Variants in PHACTR1 observed in about 807,000 individuals in gnomAD.
The protein encoded by PHACTR1 is RPEL repeat containing 1.
A neutral mutation model predicts 69.2 loss-of-function variants in PHACTR1; 16 were observed. The ratio of observed to expected loss-of-function variants is 0.23; its 90% CI spans 0.16 to 0.35. PHACTR1 has a LOEUF of 0.35. Among genes scored for constraint, PHACTR1 ranks in the 10% least tolerant of loss-of-function variants. The pLI is 1.00. For synonymous variants in PHACTR1, 312 were observed against 284.5 expected (o/e 1.10, Z -0.97); for missense variants, 510 against 734.7 (o/e 0.69, Z 3.54).
chr6:13,273,376 A>G (rs1470125932), intron 11 of PHACTR1: 1 of 155,502 alleles, frequency 6.4e-6, no homozygotes, highest in African/African-American at 2.4e-5. Flanking sequence ...ATCCCTTTGA[A>G]TGTTAAATTG....
rs184360581 is a variant in PHACTR1 at position 12,857,181 on chromosome 6, G to T, written c.250+107391G>T. Reference sequence around the variant, plus strand: ...TGTTTGTCTTTATTTTTCCTATGAGGTGTTTTCTGCCTGCGGGCCACAGTG... The same window carrying T: ...TGTTTGTCTTTATTTTTCCTATGAGTTGTTTTCTGCCTGCGGGCCACAGTG... On this transcript the variant is annotated intron_variant, in intron 4 of 14. Coordinates refer to ENST00000332995, the MANE Select transcript of PHACTR1 (RefSeq NM_030948.6). Among the ~76,000 whole-genome samples, 98 of 152,174 alleles carry T rather than the reference G, an allele frequency of 6.4e-4. No homozygotes were observed. In the Middle Eastern group the frequency reaches 0.01, roughly 16 times the overall value.
At chr6:12,945,436 C>T (rs543376670) in intron 4 of PHACTR1, among the ~76,000 whole-genome samples, 4 of 152,340 alleles carry the variant, frequency 2.6e-5, no homozygotes, top group East Asian at 3.9e-4. Context: ...TCAGTACATT[C>T]TCCAGTGCCT....
chr6:13,153,337 A>T (rs1481154822), intron 5 of PHACTR1, among the ~76,000 whole-genome samples: 1 of 152,202 alleles, frequency 6.6e-6, no homozygotes, highest in Non-Finnish European at 1.5e-5. Context: ...CAACCTTTAA[A>T]TACAGTTTCT....
intron 4 of PHACTR1, among the ~76,000 whole-genome samples, chr6:13,033,993 A>T (rs1036509692): frequency 9.2e-5 from 14 of 151,440 alleles, no homozygotes; most frequent in African/African-American, 2.7e-4. Context: ...TATTTTGAGT[A>T]CTTGTGAAGG....
At chr6:13,099,814 T>C (rs997353818) in intron 5 of PHACTR1, among the ~76,000 whole-genome samples, 1 of 152,254 alleles carries the variant, frequency 6.6e-6, no homozygotes, top group African/African-American at 2.4e-5. Flanking sequence ...GTTTGCTTGT[T>C]TTTTAAATTG....
intron 4 of PHACTR1, among the ~76,000 whole-genome samples, chr6:12,946,427 A>G (rs961575956): frequency 1.4e-4 from 21 of 152,218 alleles, no homozygotes; most frequent in Non-Finnish European, 2.8e-4. Flanking sequence ...GCTCCGAGAT[A>G]TGAGCGATTT....
intron 5 of PHACTR1, among the ~76,000 whole-genome samples, chr6:13,076,678 C>T (rs1334250602): frequency 6.6e-6 from 1 of 151,848 alleles, no homozygotes; most frequent in African/African-American, 2.4e-5. Flanking sequence ...GGCAACAGAG[C>T]TCTGAGAAGC....
chr6:13,278,596 T>C (rs929810908), intron 12 of PHACTR1, among the ~76,000 whole-genome samples: 1 of 152,258 alleles, frequency 6.6e-6, no homozygotes, highest in African/African-American at 2.4e-5. Flanking sequence ...TTTTTGATTA[T>C]ACTAAATGTT....
rs768559646 is a variant in PHACTR1, at chr6:13,199,188, C to A, written c.665-6627C>A. On this transcript the variant is annotated intron_variant, in intron 7 of 14. Transcript: ENST00000332995. The stretch of plus-strand genomic sequence containing the variant: ...GGATCACGAGGTCAGGAGTTTGAGA[C>A]CAGCTTGGCCAGCATGGTGAAACCC... Among the ~76,000 whole-genome samples, 101 of 152,180 alleles carry A rather than the reference C, an allele frequency of 6.6e-4. 3 individuals are homozygous for A. Among genetic ancestry groups the A allele is most frequent in the Non-Finnish European group, 6.8e-4 (46 of 68,002 alleles).
At chr6:12,780,247 C>CTGTGTGTG (rs1325407050) in intron 4 of PHACTR1, among the ~76,000 whole-genome samples, 1 of 96,470 alleles carries the variant, frequency 1.0e-5, no homozygotes, top group African/African-American at 3.6e-5. Flanking sequence ...TATATCTTTT[C>CTGTGTGTG]TCTGTGTGTG....
chr6:13,193,357 GTA>G lies in PHACTR1; in HGVS notation c.664+10698_664+10699del, dbSNP rs56305254. On this transcript the variant is annotated intron_variant, in intron 7 of 14. Coordinates refer to ENST00000332995, the MANE Select transcript of PHACTR1 (RefSeq NM_030948.6). ...ATTCTACCTCTTAATAGCTCTCTGT[GTA>G]TATATATATATATATATATATATAT... is the stretch of plus-strand genomic sequence containing the variant. Among the ~76,000 whole-genome samples the G allele has an allele frequency of 3.1e-3, 214 of 68,144 alleles. 10 individuals carry two copies. The highest frequency in any genetic ancestry group is 0.013 in the East Asian group (30 of 2,314). 44.7% of individuals were successfully genotyped at this position (68,144 alleles called of 152,430 possible). A position where few individuals can be genotyped will look rare whatever the true frequency, so the allele number is the denominator to read the frequency against.
chr6:13,205,890 T>C lies in PHACTR1; in HGVS notation c.740T>C (p.Ile247Thr). The C allele has an allele frequency of 6.2e-7, 1 of 1,612,582 alleles. No individual in the cohort carries two copies. The highest frequency in any genetic ancestry group is 8.5e-7 in the Non-Finnish European group (1 of 1,178,764). The change falls in exon 8 of 15, where the codon ATC (isoleucine) becomes ACC (threonine). Residue 247 changes from isoleucine (I) to threonine (T), a missense_variant. By Grantham distance (89) the Ile-to-Thr change is moderately conservative. Around this residue, in one of 2 missense-constraint regions of PHACTR1, gnomAD observed 419 missense variants for 530.9 expected, o/e 0.79. Transcript: ENST00000332995. The stretch of plus-strand genomic sequence containing the variant: ...CCGCTACCTCCAAAGAAAGTCATGA[T>C]CTGTATGCCCGTGGGGGGGCCAGAC... ...SPPLPPKKVM[I>T]CMPVGGPDLS...
chr6:12,760,788 C>G (rs569269753), intron 4 of PHACTR1, among the ~76,000 whole-genome samples: 5 of 152,262 alleles, frequency 3.3e-5, no homozygotes, highest in South Asian at 4.1e-4. Flanking sequence ...CAAAAATTAG[C>G]TGGGCGTGAG....
chr6:12,947,462 T>A (rs1790813817), intron 4 of PHACTR1, among the ~76,000 whole-genome samples: 1 of 151,912 alleles, frequency 6.6e-6, no homozygotes, highest in African/African-American at 2.4e-5. Flanking sequence ...GGGAAAAACA[T>A]CTGAAAAAAC....
intron 3 of PHACTR1, among the ~76,000 whole-genome samples, chr6:12,747,429 C>A (rs1765929849): frequency 6.6e-6 from 1 of 151,820 alleles, no homozygotes; most frequent in African/African-American, 2.4e-5. Context: ...TTTGAGAGAC[C>A]CAGACAGGAG....
intron 5 of PHACTR1, among the ~76,000 whole-genome samples, chr6:13,111,740 G>A (rs1487734594): frequency 6.6e-6 from 1 of 152,130 alleles, no homozygotes; most frequent in Non-Finnish European, 1.5e-5. Context: ...TCTCTGCAGA[G>A]CTAATAATCA....
chr6:12,942,396 A>AC (rs1790149681), intron 4 of PHACTR1, among the ~76,000 whole-genome samples: 1 of 152,170 alleles, frequency 6.6e-6, no homozygotes, highest in Non-Finnish European at 1.5e-5. Context: ...CTTTTGAAAT[A>AC]CCCTGCCCTG....
chr6:13,055,789 T>G (rs1056931984), intron 5 of PHACTR1, among the ~76,000 whole-genome samples: 1 of 152,250 alleles, frequency 6.6e-6, no homozygotes, highest in African/African-American at 2.4e-5. Context: ...TAGGTGCAGA[T>G]GCAATGGCAT....
chr6:12,733,283 C>T (rs1179189871), intron 3 of PHACTR1, among the ~76,000 whole-genome samples: 1 of 152,100 alleles, frequency 6.6e-6, no homozygotes, highest in Non-Finnish European at 1.5e-5. Context: ...AAAACTGAGG[C>T]TTAGGGAAGA....
Sources: allele counts gnomAD v4.1 joint callset (sites outside exome capture counted in the v4.1 genomes callset), GRCh38; gene constraint gnomAD v4.1.1; regional missense constraint gnomAD v4.1.1; transcripts MANE v1.5; gene names NCBI Gene and HGNC (gene_info 2026-07-23, HGNC 2026-07-21).